The following TXNRD1 variants were observed in gnomAD, a reference collection of about 807,000 sequenced individuals.
The protein encoded by TXNRD1 is thioredoxin reductase 1.
TXNRD1 carries 57 observed loss-of-function variants against 80.3 expected under a neutral mutation model. The ratio of observed to expected loss-of-function variants is 0.71; its 90% CI spans 0.57 to 0.89. The LOEUF is 0.89. TXNRD1 is among the 40% of genes least tolerant of loss of function. The pLI, the probability that TXNRD1 is intolerant of heterozygous loss-of-function variation, is 0.00. For missense variants in TXNRD1, 730 were observed against 803.0 expected, an observed-to-expected ratio of 0.91 and a Z score of 1.10; for synonymous variants, 291 against 285.2, an observed-to-expected ratio of 1.02 and a Z score of -0.20.
At chr12:104,244,923 C>T (rs1018893520) in intron 1 of TXNRD1, among the ~76,000 whole-genome samples, 9 of 152,044 alleles carry the variant, frequency 5.9e-5, no homozygotes, top group Non-Finnish European at 1.3e-4. Context: ...TAACTTTGTC[C>T]CTGTATCTAG....
At chr12:104,294,239 C>CT (rs1051909092) in intron 4 of TXNRD1, among the ~76,000 whole-genome samples, 1 of 123,034 alleles carries the variant, frequency 8.1e-6, no homozygotes, top group African/African-American at 3.0e-5. Context: ...AAAGGCCCCC[C>CT]CCCCCGCCGC....
chr12:104,299,898 G>A (rs1352607568), intron 4 of TXNRD1, among the ~76,000 whole-genome samples: 1 of 152,204 alleles, frequency 6.6e-6, no homozygotes, highest in Admixed American at 6.5e-5. Flanking sequence ...ATGGTGGTAT[G>A]AAGGGAGAAA....
At chr12:104,308,375 T>G (rs1367818530) in intron 4 of TXNRD1, among the ~76,000 whole-genome samples, 1 of 152,138 alleles carries the variant, frequency 6.6e-6, no homozygotes, top group African/African-American at 2.4e-5. Context: ...GGCAACAGAT[T>G]GAATGGAGAA....
intron 3 of TXNRD1, among the ~76,000 whole-genome samples, chr12:104,285,706 G>T (rs750939747): frequency 3.9e-5 from 6 of 152,088 alleles, no homozygotes; most frequent in Non-Finnish European, 8.8e-5. Flanking sequence ...TGGGTCATTC[G>T]GTAGACTAAA....
At chr12:104,223,763 C>T (rs2032406019) in intron 1 of TXNRD1, among the ~76,000 whole-genome samples, 1 of 152,180 alleles carries the variant, frequency 6.6e-6, no homozygotes, top group African/African-American at 2.4e-5. Flanking sequence ...CACTGAGAGG[C>T]AGCTGAAGGT....
At chr12:104,268,284 G>T (rs1203910477) in intron 3 of TXNRD1, among the ~76,000 whole-genome samples, 5 of 151,464 alleles carry the variant, frequency 3.3e-5, no homozygotes, top group Non-Finnish European at 7.4e-5. Context: ...GGCTGAGGTG[G>T]GCTGATCACG....
intron 1 of TXNRD1, among the ~76,000 whole-genome samples, chr12:104,241,214 A>ATTT (rs1208544242): frequency 7.2e-6 from 1 of 139,258 alleles, no homozygotes; most frequent in East Asian, 2.1e-4. Context: ...TAATTTTTGT[A>ATTT]TTTTTCAGTA....
At chr12:104,254,644 A>AAAAAAAAAAAAAAAAAAAATATAT in intron 2 of TXNRD1, among the ~76,000 whole-genome samples, 2 of 93,636 alleles carry the variant, frequency 2.1e-5, no homozygotes, top group Non-Finnish European at 3.8e-5. Flanking sequence ...AAAAAAAAAA[A>AAAAAAAAAAAAAAAAAAAATATAT]ATATATATAT....
At chr12:104,337,161 TG>T (rs2036166779) in intron 15 of TXNRD1, among the ~76,000 whole-genome samples, 2 of 152,038 alleles carry the variant, frequency 1.3e-5, no homozygotes, top group Non-Finnish European at 2.9e-5. Context: ...CATTATTACA[TG>T]GAAATCTATT....
chr12:104,319,311 C>G (rs967809891), intron 8 of TXNRD1, among the ~76,000 whole-genome samples, 159 bp from the exon 9 acceptor site: 3 of 152,098 alleles, frequency 2.0e-5, no homozygotes, highest in Non-Finnish European at 2.9e-5. Context: ...TTGAGTAAGT[C>G]TGTTAACTAC....
At chr12:104,219,782 A>G (rs1565849253) in intron 1 of TXNRD1, among the ~76,000 whole-genome samples, 1 of 147,142 alleles carries the variant, frequency 6.8e-6, no homozygotes, top group Non-Finnish European at 1.5e-5. Flanking sequence ...GCAAAAGGCA[A>G]TTTTTTTTTT....
chr12:104,329,538 A>G (rs934406903), intron 13 of TXNRD1, among the ~76,000 whole-genome samples: 2 of 152,034 alleles, frequency 1.3e-5, no homozygotes, highest in Non-Finnish European at 2.9e-5. Context: ...AGTCCCAGCT[A>G]CACAGAGCGC....
chr12:104,290,414 G>T (rs557046078), intron 4 of TXNRD1, among the ~76,000 whole-genome samples: 1 of 151,852 alleles, frequency 6.6e-6, no homozygotes, highest in Admixed American at 6.6e-5. Context: ...CTTCCTGGCC[G>T]GGTGCGGTGG....
chr12:104,283,753 C>A (rs1050939410), intron 3 of TXNRD1, among the ~76,000 whole-genome samples: 2 of 151,998 alleles, frequency 1.3e-5, no homozygotes, highest in Non-Finnish European at 2.9e-5. Context: ...GCCTATAATC[C>A]CATCTACTCA....
chr12:104,254,644 A>AAATATATATATATAT, intron 2 of TXNRD1, among the ~76,000 whole-genome samples: 10 of 93,648 alleles, frequency 1.1e-4, no homozygotes, highest in Non-Finnish European at 1.5e-4. Context: ...AAAAAAAAAA[A>AAATATATATATATAT]ATATATATAT....
intron 2 of TXNRD1, among the ~76,000 whole-genome samples, chr12:104,256,901 G>C (rs1388672106): frequency 6.6e-6 from 1 of 151,132 alleles, no homozygotes; most frequent in Non-Finnish European, 1.5e-5. Flanking sequence ...AGAAATCTCC[G>C]AGTGTACTTC....
chr12:104,313,669 A>AT (rs2035219550), intron 6 of TXNRD1, among the ~76,000 whole-genome samples: 1 of 152,330 alleles, frequency 6.6e-6, no homozygotes, highest in South Asian at 2.1e-4. Flanking sequence ...AAGAGTTGGA[A>AT]TCAGATACCC....
chr12:104,282,144 C>G (rs1180053615), intron 3 of TXNRD1, among the ~76,000 whole-genome samples: 1 of 152,188 alleles, frequency 6.6e-6, no homozygotes, highest in Non-Finnish European at 1.5e-5. Context: ...GTTTTAGAAA[C>G]AGGAGAGCTG....
rs756787099 is a variant in TXNRD1, at chr12:104,215,797, T to G, written c.-6T>G. The G allele has an allele frequency of 3.9e-6, 6 of 1,555,544 alleles. No homozygotes were observed. The highest frequency in any genetic ancestry group is 5.2e-6 in the Non-Finnish European group (6 of 1,149,888). ...CTCCGTCAGTTCCCACAGGGCCTTG[T>G]GCGACATGGGCTGCGCCGAGGGCAA... On this transcript the variant is annotated 5_prime_UTR_variant, in exon 1 of 17. Transcript: ENST00000525566.
Sources: allele counts gnomAD v4.1 joint callset (sites outside exome capture counted in the v4.1 genomes callset), GRCh38; gene constraint gnomAD v4.1.1; transcripts MANE v1.5; gene names NCBI Gene and HGNC (gene_info 2026-07-23, HGNC 2026-07-21).